Variants in ZCCHC7 observed in about 807,000 individuals in gnomAD.
ZCCHC7 encodes zinc finger CCHC-type containing 7.
In ZCCHC7, 35 loss-of-function variants were observed where a neutral mutation model predicts 52.0. The observed-to-expected ratio is 0.67, with a 90% CI of 0.51 to 0.89. The LOEUF (loss-of-function observed/expected upper bound fraction) is 0.89, where lower values mean the gene tolerates loss of function less well. Ranked by LOEUF, ZCCHC7 falls within the 40% of genes least tolerant of loss-of-function variation. The probability of loss-of-function intolerance (pLI) is 0.00; values close to 1 mark genes in which losing one functional copy is unlikely to be tolerated. For missense variants in ZCCHC7, 574 were observed against 649.1 expected, an observed-to-expected ratio of 0.88 and a Z score of 1.26; for synonymous variants, 217 against 221.5, an observed-to-expected ratio of 0.98 and a Z score of 0.18.
chr9:37,161,787 C>T (rs536000348), intron 2 of ZCCHC7, among the ~76,000 whole-genome samples: 1 of 152,256 alleles, frequency 6.6e-6, no homozygotes, highest in East Asian at 1.9e-4. Context: ...TGGAAGATCA[C>T]GCGTAAATGC....
At chr9:37,124,904 T>G (rs1332388400) in intron 1 of ZCCHC7, among the ~76,000 whole-genome samples, 1 of 152,200 alleles carries the variant, frequency 6.6e-6, no homozygotes, top group Non-Finnish European at 1.5e-5. Context: ...CAGGGTGAAG[T>G]GCAGTGGCAT....
chr9:37,130,602 C>T (rs1842742244), intron 2 of ZCCHC7, among the ~76,000 whole-genome samples: 1 of 151,420 alleles, frequency 6.6e-6, no homozygotes, highest in Non-Finnish European at 1.5e-5. Context: ...ACGCCATTCT[C>T]CTGCCTCAGC....
chr9:37,167,760 G>A (rs1265547481), intron 2 of ZCCHC7, among the ~76,000 whole-genome samples: 1 of 152,196 alleles, frequency 6.6e-6, no homozygotes, highest in Non-Finnish European at 1.5e-5. Context: ...AAACAAGAAT[G>A]TTTGGGGCTA....
At chr9:37,267,670 C>T (rs747578321) in intron 2 of ZCCHC7, among the ~76,000 whole-genome samples, 4 of 150,758 alleles carry the variant, frequency 2.7e-5, no homozygotes, top group Non-Finnish European at 3.0e-5. Context: ...CCCAGCTTCA[C>T]GCCAGTCTCC....
At chr9:37,157,500 G>A (rs1820878339) in intron 2 of ZCCHC7, among the ~76,000 whole-genome samples, 1 of 151,892 alleles carries the variant, frequency 6.6e-6, no homozygotes, top group African/African-American at 2.4e-5. Flanking sequence ...TCAAAAAAAA[G>A]AAGTTAACCT....
In ZCCHC7 at chr9:37,291,585, T is replaced by C. The variant is rs1162061070; in HGVS notation, c.611-10603T>C. ...GCAGGGGCGATTAGAAGGAAATAGA[T>C]GATATAGAAATGAAAAATTTTTTTT... On this transcript the variant is annotated intron_variant, in intron 2 of 8. Coordinates refer to ENST00000336755, the MANE Select transcript of ZCCHC7 (RefSeq NM_032226.3). 2.0e-5 allele frequency among the ~76,000 whole-genome samples: 3 copies of C among 152,218 alleles called. No individual in the cohort carries two copies. In the East Asian group the frequency reaches 5.8e-4, roughly 29 times the overall value.
intron 2 of ZCCHC7, among the ~76,000 whole-genome samples, chr9:37,294,460 C>T (rs1828686616): frequency 6.6e-6 from 1 of 152,228 alleles, no homozygotes; most frequent in East Asian, 1.9e-4. Context: ...TATAAACATG[C>T]AATTATCTTA....
At chr9:37,277,598 T>A (rs1827742488) in intron 2 of ZCCHC7, among the ~76,000 whole-genome samples, 1 of 152,230 alleles carries the variant, frequency 6.6e-6, no homozygotes, top group South Asian at 2.1e-4. Flanking sequence ...AAGCATTTGA[T>A]GACTTTAGTT....
chr9:37,352,912 G>A (rs926011559), intron 7 of ZCCHC7, among the ~76,000 whole-genome samples: 3 of 151,928 alleles, frequency 2.0e-5, no homozygotes, highest in African/African-American at 7.3e-5. Context: ...AATAATCCAG[G>A]TAGTCACAAC....
chr9:37,198,677 G>C (rs1286765178), intron 2 of ZCCHC7, among the ~76,000 whole-genome samples: 2 of 152,196 alleles, frequency 1.3e-5, no homozygotes, highest in Non-Finnish European at 2.9e-5. Context: ...TGTTCAAGTG[G>C]GAGGTCCTAA....
chr9:37,167,686 A>T (rs1353580525), intron 2 of ZCCHC7, among the ~76,000 whole-genome samples: 1 of 152,200 alleles, frequency 6.6e-6, no homozygotes, highest in Non-Finnish European at 1.5e-5. Context: ...GTTCTAGGAT[A>T]AAATTAAATT....
chr9:37,315,684 A>G (rs947027980), intron 5 of ZCCHC7, among the ~76,000 whole-genome samples: 1 of 151,364 alleles, frequency 6.6e-6, no homozygotes, highest in African/African-American at 2.4e-5. Context: ...CTAAACTTTT[A>G]CTTTTTTAAG....
chr9:37,184,591 C>A (rs1317842879), intron 2 of ZCCHC7, among the ~76,000 whole-genome samples: 1 of 152,090 alleles, frequency 6.6e-6, no homozygotes, highest in African/African-American at 2.4e-5. Context: ...AGTACGAATA[C>A]CCTGAGAGAG....
chr9:37,206,352 C>T (rs942442035), intron 2 of ZCCHC7, among the ~76,000 whole-genome samples: 2 of 150,958 alleles, frequency 1.3e-5, no homozygotes, highest in African/African-American at 4.9e-5. Context: ...TCTTCCCTCC[C>T]GCCTTCACCT....
At chr9:37,350,130 T>TG (rs1323831274) in intron 7 of ZCCHC7, among the ~76,000 whole-genome samples, 30 of 125,486 alleles carry the variant, frequency 2.4e-4, no homozygotes, top group African/African-American at 1.0e-3. Context: ...TTTTTTTTTT[T>TG]TTTGGTTTTT....
At chr9:37,291,882 G>T (rs974587477) in intron 2 of ZCCHC7, among the ~76,000 whole-genome samples, 30 of 152,070 alleles carry the variant, frequency 2.0e-4, no homozygotes, top group African/African-American at 7.2e-4. Context: ...TAGTAGAGAC[G>T]TGGTTTCTCC....
At chr9:37,267,516 C>T (rs1325100758) in intron 2 of ZCCHC7, among the ~76,000 whole-genome samples, 1 of 151,882 alleles carries the variant, frequency 6.6e-6, no homozygotes, top group Non-Finnish European at 1.5e-5. Context: ...AGTGATCCTC[C>T]CACCTCAGCC....
At chr9:37,319,940 A>G (rs146482017) in intron 5 of ZCCHC7, among the ~76,000 whole-genome samples, 3 of 152,336 alleles carry the variant, frequency 2.0e-5, no homozygotes, top group African/African-American at 7.2e-5. Flanking sequence ...TCAATTGGCC[A>G]TATTTACATG....
chr9:37,337,610 G>A (rs1243583988), intron 6 of ZCCHC7, among the ~76,000 whole-genome samples: 2 of 152,008 alleles, frequency 1.3e-5, no homozygotes, highest in East Asian at 1.9e-4. Flanking sequence ...AGGTTTTATC[G>A]GCTGGTCTGA....
Sources: allele counts gnomAD v4.1 joint callset (sites outside exome capture counted in the v4.1 genomes callset), GRCh38; gene constraint gnomAD v4.1.1; transcripts MANE v1.5; gene names NCBI Gene and HGNC (gene_info 2026-07-23, HGNC 2026-07-21).